The following HMGXB3 variants were observed in gnomAD, a reference collection of about 807,000 sequenced individuals.
HMGXB3 encodes the protein HMG-box containing 3.
In HMGXB3, 45 loss-of-function variants were observed where a neutral mutation model predicts 121.5. The observed-to-expected ratio is 0.37, with a 90% CI of 0.29 to 0.47. HMGXB3 has a LOEUF of 0.47. HMGXB3 is among the 20% of genes least tolerant of loss of function. The probability of loss-of-function intolerance (pLI) is 0.99; values close to 1 mark genes in which losing one functional copy is unlikely to be tolerated. For missense variants in HMGXB3, 1,376 were observed against 1,602.2 expected (o/e 0.86, Z 2.41); for synonymous variants, 590 against 624.1 (o/e 0.95, Z 0.81).
Position 150,051,863 on chromosome 5 carries a change from C to T in HMGXB3, c.3550C>T (p.Pro1184Ser), listed in dbSNP as rs748911945. ...HAGLQPNPGD[P>S]SAGHHSLALC... ...AGGCCTACAGCCCAATCCTGGTGAC[C>T]CCAGTGCTGGGCACCACTCCTTGGC... Residue 1184 changes from proline to serine, a missense_variant, in exon 20 of 20, where the codon CCC becomes TCC. Coordinates refer to ENST00000502717, the MANE Select transcript of HMGXB3 (RefSeq NM_014983.3). 1.2e-5 allele frequency: 19 copies of T among 1,551,022 alleles called. No individual in the cohort carries two copies. The highest frequency in any genetic ancestry group is 1.7e-5 in the Non-Finnish European group (19 of 1,147,108).
intron 9 of HMGXB3, chr5:150,030,418 T>G (rs1581258394): frequency 5.0e-6 from 1 of 198,658 alleles, no homozygotes; most frequent in African/African-American, 2.3e-5. Flanking sequence ...CATCTTTCTA[T>G]GCAAAGTTGT....
In HMGXB3 at chr5:150,018,566, A is replaced by G. The variant is rs1016971969; in HGVS notation, c.910A>G (p.Thr304Ala). ...VVENPTSIKL[T>A]TTYTRRGHGT... Reference sequence around the variant, plus strand: ...ATTCTGATGTGCTCTTTATTTACAGACCACTACATATACCCGCCGGGGCCA... The same window carrying G: ...ATTCTGATGTGCTCTTTATTTACAGGCCACTACATATACCCGCCGGGGCCA... Residue 304 changes from threonine to alanine, a missense_variant and splice_region_variant, in exon 6 of 20, where the codon ACC becomes GCC. Thr to Ala is a moderately conservative substitution (Grantham distance 58). This residue lies in a region of HMGXB3 where 1,116 missense variants were observed against 1,369.0 expected (regional missense o/e 0.82). Transcript: ENST00000502717. 5 of 1,541,680 alleles carry G rather than the reference A, an allele frequency of 3.2e-6. No homozygotes were observed. The African/African-American group carries it at 6.9e-5, about 21-fold the overall frequency.
intron 17 of HMGXB3, among the ~76,000 whole-genome samples, chr5:150,048,336 T>G (rs1756809352): frequency 6.6e-6 from 1 of 152,148 alleles, no homozygotes; most frequent in African/African-American, 2.4e-5. Flanking sequence ...GGCCTCAGAG[T>G]CTGGCAGCTT....
rs1331449930 is a variant in HMGXB3, at chr5:150,026,873, C to T, written c.1628C>T (p.Ser543Phe). 27 of 1,509,950 alleles carry T rather than the reference C, an allele frequency of 1.8e-5. No homozygotes were observed. The East Asian group carries it at 6.6e-4, about 37-fold the overall frequency. 93.5% of individuals were successfully genotyped at this position (1,509,950 alleles called of 1,614,324 possible). ...CTGCCCAGGGCCAGGCAGGCCTTTT[C>T]CCTGAGTGGTAAGGGCTGGGACATA... ...MGLPRARQAF[S>F]LSDKTPSVRT... Residue 543 changes from serine to phenylalanine, a missense_variant, in exon 8 of 20, where the codon TCC (serine) becomes TTC (phenylalanine). By Grantham distance (155) the Ser-to-Phe change is radical (BLOSUM62 -2). Coordinates refer to ENST00000502717, the MANE Select transcript of HMGXB3 (RefSeq NM_014983.3).
At position 150,048,579 on chromosome 5, in the gene HMGXB3, G is replaced by C; in HGVS notation, c.3095G>C (p.Cys1032Ser). 1.3e-6 allele frequency: 2 copies of C among 1,551,504 alleles called. No individual in the cohort carries two copies. Among genetic ancestry groups the C allele is most frequent in the Non-Finnish European group, 1.7e-6 (2 of 1,146,544 alleles). ...FGAEDSKDQL[C>S]FSLLALYESV... ...GTCCTTCTACTCCAGGACCAGCTCTGCTTCTCCTTGTTGGCCCTCTACGAA... is the reference window on the plus strand; with the variant it reads ...GTCCTTCTACTCCAGGACCAGCTCTCCTTCTCCTTGTTGGCCCTCTACGAA... The change falls in exon 18 of 20, where the codon TGC becomes TCC. Residue 1032 changes from cysteine (C) to serine (S), a missense_variant. By Grantham distance (112) the Cys-to-Ser change is moderately radical. Around this residue, in one of 2 missense-constraint regions of HMGXB3, gnomAD observed 1,116 missense variants for 1,369.0 expected, o/e 0.82. Coordinates refer to ENST00000502717, the MANE Select transcript of HMGXB3 (RefSeq NM_014983.3).
intron 5 of HMGXB3, chr5:150,015,008 A>T: frequency 1.5e-6 from 1 of 663,910 alleles, no homozygotes; most frequent in Non-Finnish European, 2.3e-6. Flanking sequence ...GCGAATACCA[A>T]ACCACCAATG....
At chr5:150,008,905 G>A (rs551922642) in intron 3 of HMGXB3, among the ~76,000 whole-genome samples, 167 of 152,316 alleles carry the variant, frequency 1.1e-3, no homozygotes, top group Non-Finnish European at 1.5e-3. Flanking sequence ...TTTCATCTGA[G>A]TGCTGCTTTT....
At chr5:150,049,342 CTGGG>C (rs1756836399) in intron 18 of HMGXB3, among the ~76,000 whole-genome samples, 1 of 152,086 alleles carries the variant, frequency 6.6e-6, no homozygotes, top group Non-Finnish European at 1.5e-5. Flanking sequence ...CAAGGTGGCA[CTGGG>C]TTAGCTCCAG....
intron 17 of HMGXB3, among the ~76,000 whole-genome samples, chr5:150,048,086 A>T (rs1278188990): frequency 6.6e-6 from 1 of 152,242 alleles, no homozygotes; most frequent in Non-Finnish European, 1.5e-5. Context: ...CCAAAATACT[A>T]ACCTTGTGAG....
intron 7 of HMGXB3, among the ~76,000 whole-genome samples, chr5:150,026,345 C>CT (rs1756230169): frequency 1.3e-5 from 2 of 152,296 alleles, no homozygotes; most frequent in South Asian, 4.1e-4. Context: ...TCTAGGGTCT[C>CT]TAAGCTGCTG....
chr5:150,005,370 C>T (rs1229081591), intron 2 of HMGXB3, among the ~76,000 whole-genome samples: 2 of 152,118 alleles, frequency 1.3e-5, no homozygotes, highest in Admixed American at 6.5e-5. Flanking sequence ...AAGGCTGAGA[C>T]GGGTGGATCA....
chr5:150,004,363 A>G (rs1755648492), intron 1 of HMGXB3, among the ~76,000 whole-genome samples: 1 of 152,254 alleles, frequency 6.6e-6, no homozygotes, highest in Non-Finnish European at 1.5e-5. Flanking sequence ...ACAGGCCCTT[A>G]CTACATGTTT....
chr5:150,012,657 A>G (rs892236962), intron 5 of HMGXB3, among the ~76,000 whole-genome samples: 26 of 152,194 alleles, frequency 1.7e-4, no homozygotes, highest in African/African-American at 5.1e-4. Context: ...TCGTAAGCAT[A>G]CATGATTTAG....
At chr5:150,022,364 A>G (rs1468845635) in intron 6 of HMGXB3, among the ~76,000 whole-genome samples, 2 of 152,202 alleles carry the variant, frequency 1.3e-5, no homozygotes, top group African/African-American at 4.8e-5. Flanking sequence ...ATAGTTCCCA[A>G]TGAGTTGGAT....
intron 6 of HMGXB3, among the ~76,000 whole-genome samples, chr5:150,023,129 G>C (rs1184741309): frequency 6.6e-6 from 1 of 151,662 alleles, no homozygotes; most frequent in African/African-American, 2.4e-5. Context: ...ACGCCTGGCT[G>C]TTACCAGTTC....
chr5:150,040,978 C>G (rs2113757609), intron 14 of HMGXB3, 99 bp downstream of exon 14: 3 of 1,173,182 alleles, frequency 2.6e-6, no homozygotes, highest in Non-Finnish European at 3.5e-6. Flanking sequence ...GAAGAAGAGT[C>G]TGATTATTTT....
intron 1 of HMGXB3, among the ~76,000 whole-genome samples, chr5:150,001,839 TTAGTACCC>T (rs1022429708): frequency 7.9e-5 from 12 of 152,186 alleles, no homozygotes; most frequent in African/African-American, 2.9e-4. Flanking sequence ...CGCAGGGTGC[TTAGTACCC>T]TATATGCCAT....
rs1272111676 is a variant in HMGXB3 at position 150,030,811 on chromosome 5, C to T, written c.1805C>T (p.Pro602Leu). The change falls in exon 10 of 20, where the codon CCA becomes CTA. Residue 602 changes from proline to leucine, a missense_variant. Transcript: ENST00000502717. The stretch of plus-strand genomic sequence containing the variant: ...GAGGTCAAGCCCGATATGTTTCCTC[C>T]ATATAAGTACAGCTGCACTGTCACA... ...VVEVKPDMFPPYKYSCTVTLD... is the reference protein window; with the variant it reads ...VVEVKPDMFPLYKYSCTVTLD... 5 of 1,551,990 alleles carry T rather than the reference C, an allele frequency of 3.2e-6. No homozygotes were observed. The highest frequency in any genetic ancestry group is 2.6e-6 in the Non-Finnish European group (3 of 1,146,922).
chr5:150,024,472 G>A lies in HMGXB3; in HGVS notation c.1252G>A (p.Val418Met). 6.4e-7 allele frequency: 1 copy of A among 1,551,746 alleles called. No individual in the cohort carries two copies. Among genetic ancestry groups the A allele is most frequent in the South Asian group, 1.2e-5 (1 of 84,058 alleles). ...AGGTGAGGAGAGTGAGTGGGAGGAAGTGATCATCTCCGATGCCCATGTTTT... is the reference window on the plus strand; with the variant it reads ...AGGTGAGGAGAGTGAGTGGGAGGAAATGATCATCTCCGATGCCCATGTTTT... ...EVGEESEWEE[V>M]IISDAHVLVK... Residue 418 changes from valine to methionine, a missense_variant, in exon 7 of 20, where the codon GTG becomes ATG. Physicochemically the swap from Val to Met is conservative, Grantham distance 21. Around this residue, in one of 2 missense-constraint regions of HMGXB3, gnomAD observed 1,116 missense variants for 1,369.0 expected, o/e 0.82. Coordinates refer to ENST00000502717, the MANE Select transcript of HMGXB3 (RefSeq NM_014983.3).
Sources: allele counts gnomAD v4.1 joint callset (sites outside exome capture counted in the v4.1 genomes callset), GRCh38; gene constraint gnomAD v4.1.1; regional missense constraint gnomAD v4.1.1; transcripts MANE v1.5; gene names NCBI Gene and HGNC (gene_info 2026-07-23, HGNC 2026-07-21).